Variants in CSMD1 observed in about 807,000 individuals in gnomAD.
CSMD1 encodes CUB and sushi domain-containing protein 1.
A neutral mutation model predicts 417.5 loss-of-function variants in CSMD1; 213 were observed. The observed-to-expected ratio is 0.51, with a 90% CI of 0.46 to 0.57. The LOEUF is 0.57. CSMD1 is among the 20% of genes least tolerant of loss of function. The pLI is 0.00. For synonymous variants in CSMD1, 2,862 were observed against 1,736.8 expected, an observed-to-expected ratio of 1.65 and a Z score of -16.11; for missense variants, 6,923 against 4,529.7, an observed-to-expected ratio of 1.53 and a Z score of -15.17.
chr8:4,984,971 C>A (rs1000136095), intron 1 of CSMD1, among the ~76,000 whole-genome samples: 1 of 152,126 alleles, frequency 6.6e-6, no homozygotes, highest in African/African-American at 2.4e-5. Context: ...TCCTAGAAAG[C>A]ACTCAGAGAT....
intron 2 of CSMD1, among the ~76,000 whole-genome samples, chr8:4,445,615 G>C (rs187477622): frequency 6.6e-6 from 1 of 152,088 alleles, no homozygotes; most frequent in Non-Finnish European, 1.5e-5. Flanking sequence ...GTTCAGAGTC[G>C]AACTGGGCCA....
rs935730428 is a variant in CSMD1, at chr8:3,325,630, C to A, written c.3632-17127G>T. ...CCTGAGGTCAGGAGTTTGAGACCAGCCTGCTCAGCGTGGTGAAACCCCGTC... is the reference window on the plus strand; with the variant it reads ...CCTGAGGTCAGGAGTTTGAGACCAGACTGCTCAGCGTGGTGAAACCCCGTC... On this transcript the variant is annotated intron_variant, in intron 23 of 69. Transcript: ENST00000635120. Among the ~76,000 whole-genome samples the A allele has an allele frequency of 7.9e-5, 12 of 152,254 alleles. 1 individual carries two copies. Among genetic ancestry groups the A allele is most frequent in the African/African-American group, 2.9e-4 (12 of 41,544 alleles).
intron 30 of CSMD1, among the ~76,000 whole-genome samples, chr8:3,206,800 C>G (rs1041280920): frequency 5.3e-5 from 8 of 152,104 alleles, no homozygotes; most frequent in Non-Finnish European, 1.2e-4. Context: ...ACACTGTACA[C>G]AGATGTTCAA....
At position 4,655,320 on chromosome 8, in the gene CSMD1, A is replaced by G. The variant is rs537058407; in HGVS notation, c.86-17762T>C. 2.8e-3 allele frequency among the ~76,000 whole-genome samples: 433 copies of G among 152,190 alleles called. 3 individuals are homozygous for G. The highest frequency in any genetic ancestry group is 9.9e-3 in the African/African-American group (411 of 41,472). The stretch of plus-strand genomic sequence containing the variant: ...CTGCCTGGCTGATCCTAGTTCCTCA[A>G]TGGCCACTGGTTGCAATCGACCTGC... On this transcript the variant is annotated intron_variant, in intron 1 of 69. Coordinates refer to ENST00000635120, the MANE Select transcript of CSMD1 (RefSeq NM_033225.6).
intron 49 of CSMD1, among the ~76,000 whole-genome samples, chr8:3,061,495 A>G (rs1386018836): frequency 6.6e-6 from 1 of 152,206 alleles, no homozygotes; most frequent in Non-Finnish European, 1.5e-5. Context: ...TGCCACTGTC[A>G]ATGGAATTTA....
At chr8:3,132,864 A>G (rs2129027436) in intron 41 of CSMD1, among the ~76,000 whole-genome samples, 1 of 152,224 alleles carries the variant, frequency 6.6e-6, no homozygotes, top group Admixed American at 6.5e-5. Context: ...AATCCTAGGA[A>G]ACAGGAAACA....
rs1423536509 is a variant in CSMD1 at position 3,290,292 on chromosome 8, A to T, written c.3951-5946T>A. Among the ~76,000 whole-genome samples the T allele has an allele frequency of 4.8e-5, 7 of 146,866 alleles. 1 individual carries two copies. The highest frequency in any genetic ancestry group is 1.9e-4 in the African/African-American group (7 of 36,874). On this transcript the variant is annotated intron_variant, in intron 25 of 69. Transcript: ENST00000635120. The stretch of plus-strand genomic sequence containing the variant: ...TCCAGCTTTGTTCTTTTGGCTTAGG[A>T]TTGACTTGGTGATTTGGGCTCTTTT...
At chr8:4,462,249 C>G in intron 2 of CSMD1, among the ~76,000 whole-genome samples, 1 of 152,022 alleles carries the variant, frequency 6.6e-6, no homozygotes. Context: ...ATCCCTTTAC[C>G]ATAGCATCTA....
chr8:3,374,838 C>T (rs962319016), intron 18 of CSMD1, among the ~76,000 whole-genome samples: 1 of 152,180 alleles, frequency 6.6e-6, no homozygotes, highest in African/African-American at 2.4e-5. Flanking sequence ...ACCCGCACCA[C>T]CCCATCACTT....
chr8:4,268,363 G>C (rs1360515669), intron 3 of CSMD1, among the ~76,000 whole-genome samples: 1 of 151,988 alleles, frequency 6.6e-6, no homozygotes, highest in East Asian at 1.9e-4. Flanking sequence ...TTTTCCTCTT[G>C]GATCAATACA....
At chr8:3,040,043 G>A (rs925891542) in intron 50 of CSMD1, among the ~76,000 whole-genome samples, 1 of 152,098 alleles carries the variant, frequency 6.6e-6, no homozygotes, top group African/African-American at 2.4e-5. Flanking sequence ...ACCACTGAGG[G>A]GTGAAAAGGA....
chr8:4,867,837 T>C (rs541971169), intron 1 of CSMD1, among the ~76,000 whole-genome samples: 1 of 152,086 alleles, frequency 6.6e-6, no homozygotes, highest in African/African-American at 2.4e-5. Flanking sequence ...TTTAACAGAG[T>C]GTAAATTCTC....
At chr8:3,679,725 A>G (rs1436013427) in intron 7 of CSMD1, among the ~76,000 whole-genome samples, 2 of 152,228 alleles carry the variant, frequency 1.3e-5, no homozygotes, top group African/African-American at 4.8e-5. Context: ...AAATCAACAG[A>G]ATATACATTC....
At chr8:3,951,204 G>A (rs191971752) in intron 5 of CSMD1, among the ~76,000 whole-genome samples, 15 of 152,298 alleles carry the variant, frequency 9.8e-5, no homozygotes, top group African/African-American at 3.4e-4. Flanking sequence ...GACCTGTATA[G>A]GTAGTTTGTG....
chr8:3,494,585 TAGATAGATAGATAGATAGATAGATGAC>T, intron 10 of CSMD1, among the ~76,000 whole-genome samples: 1 of 151,648 alleles, frequency 6.6e-6, no homozygotes, highest in African/African-American at 2.4e-5. Flanking sequence ...GATAGATAGA[TAGATAGATAGATAGATAGATAGATGAC>T]AGATAGTAGA....
chr8:4,359,040 A>T (rs763420294), intron 3 of CSMD1, among the ~76,000 whole-genome samples: 1 of 152,176 alleles, frequency 6.6e-6, no homozygotes. Context: ...TATATGTGGC[A>T]AAATCAATAT....
intron 3 of CSMD1, among the ~76,000 whole-genome samples, chr8:4,104,249 A>T (rs1801450530): frequency 6.6e-6 from 1 of 152,236 alleles, no homozygotes; most frequent in Non-Finnish European, 1.5e-5. Flanking sequence ...ACATAGATAC[A>T]TAATGATTTA....
At chr8:3,554,740 G>C (rs977943253) in intron 10 of CSMD1, among the ~76,000 whole-genome samples, 5 of 152,188 alleles carry the variant, frequency 3.3e-5, no homozygotes, top group African/African-American at 1.2e-4. Flanking sequence ...CTTCCACAGA[G>C]GGTCAATACT....
intron 2 of CSMD1, among the ~76,000 whole-genome samples, chr8:4,446,100 C>T: frequency 6.6e-6 from 1 of 152,188 alleles, no homozygotes. Context: ...TCACTGTAGA[C>T]AGCAAGTTGT....
Sources: allele counts gnomAD v4.1 joint callset (sites outside exome capture counted in the v4.1 genomes callset), GRCh38; gene constraint gnomAD v4.1.1; transcripts MANE v1.5; gene names NCBI Gene and HGNC (gene_info 2026-07-23, HGNC 2026-07-21).